GLIS1: variants seen among roughly 807,000 people sequenced by gnomAD.
GLIS1 encodes zinc finger protein GLIS1.
A neutral mutation model predicts 63.8 loss-of-function variants in GLIS1; 24 were observed. The ratio of observed to expected loss-of-function variants is 0.38; its 90% CI spans 0.27 to 0.53. The LOEUF is 0.53. GLIS1 is among the 20% of genes least tolerant of loss of function. GLIS1 has a pLI of 0.85. For synonymous variants in GLIS1, 450 were observed against 482.5 expected (o/e 0.93, Z 0.88); for missense variants, 1,036 against 1,074.1 (o/e 0.96, Z 0.50).
At chr1:53,710,348 C>T (rs1004311095) in intron 2 of GLIS1, among the ~76,000 whole-genome samples, 12 of 152,242 alleles carry the variant, frequency 7.9e-5, no homozygotes, top group African/African-American at 1.2e-4. Flanking sequence ...CTGTGCAATA[C>T]GGTGGCCCTG....
At chr1:53,710,755 C>T (rs776447093) in intron 2 of GLIS1, among the ~76,000 whole-genome samples, 2 of 152,214 alleles carry the variant, frequency 1.3e-5, no homozygotes, top group Non-Finnish European at 2.9e-5. Flanking sequence ...CTGTCACGCT[C>T]GTGCAAACGT....
At chr1:53,664,288 C>T (rs1014656585) in intron 2 of GLIS1, among the ~76,000 whole-genome samples, 1 of 152,128 alleles carries the variant, frequency 6.6e-6, no homozygotes, top group Non-Finnish European at 1.5e-5. Flanking sequence ...TCCCACACAC[C>T]CCCTCCAGGA....
At chr1:53,705,612 C>A (rs1646571083) in intron 2 of GLIS1, among the ~76,000 whole-genome samples, 1 of 152,092 alleles carries the variant, frequency 6.6e-6, no homozygotes, top group South Asian at 2.1e-4. Context: ...TCACCTGCCA[C>A]CAGGTGTGCA....
In GLIS1 at chr1:53,539,278, C is replaced by CCACACACACACA. The variant is rs35903306; in HGVS notation, c.1321-9327_1321-9326insTGTGTGTGTGTG. 3.5e-5 allele frequency among the ~76,000 whole-genome samples: 2 copies of CCACACACACACA among 56,460 alleles called. No homozygotes were observed. The highest frequency in any genetic ancestry group is 1.0e-4 in the African/African-American group (2 of 20,054). The allele number at this position is 56,460 out of a possible 152,430, so 37.0% of individuals were successfully genotyped here. ...CACACACACCAAGACCCAGAAACTCCCTCACACACACACACACACACTACA... is the reference window on the plus strand; with the variant it reads ...CACACACACCAAGACCCAGAAACTCCCACACACACACACTCACACACACACACACACACTACA... On this transcript the variant is annotated intron_variant, in intron 4 of 10. Coordinates refer to ENST00000628545, the MANE Select transcript of GLIS1 (RefSeq NM_001367484.1). This position sits in a 1 kb window ranked among gnomAD's most constrained non-coding sequence, Gnocchi z 5.0.
chr1:53,530,910 G>A (rs1644523146), intron 4 of GLIS1, among the ~76,000 whole-genome samples: 1 of 152,248 alleles, frequency 6.6e-6, no homozygotes, highest in Non-Finnish European at 1.5e-5. Flanking sequence ...TGCTTGCAAG[G>A]GTGGGAGGAG....
In GLIS1 at chr1:53,506,497, ATGGCCTGGCTGTTCCGGCTG is replaced by A. The variant is rs1453668750; in HGVS notation, c.*102_*121del. ...GTGGCAGCGCTGGCTCCCCTGGGTC[ATGGCCTGGCTGTTCCGGCTG>A]TGGCCTGGCACTCCTGCTAGGTGCA... On this transcript the variant is annotated 3_prime_UTR_variant, in exon 11 of 11. Transcript: ENST00000628545. 9.2e-7 allele frequency: 1 copy of A among 1,083,166 alleles called. No individual in the cohort carries two copies. The highest frequency in any genetic ancestry group is 1.6e-5 in the African/African-American group (1 of 63,890). 67.1% of individuals were successfully genotyped at this position (1,083,166 alleles called of 1,614,324 possible). A position where few individuals can be genotyped will look rare whatever the true frequency, so the allele number is the denominator to read the frequency against.
chr1:53,514,670 T>C lies in GLIS1; in HGVS notation c.1838A>G (p.His613Arg), dbSNP rs2100269577. The change falls in exon 8 of 11, where the codon CAC becomes CGC. Residue 613 changes from histidine to arginine, a missense_variant. Physicochemically the swap from His to Arg is conservative, Grantham distance 29. This residue lies in a region of GLIS1 where 400 missense variants were observed against 400.9 expected (regional missense o/e 1.00). Transcript: ENST00000628545. ...CATGGGCAGAGGGGACAGATGGTGG[T>C]GGGAACTGGTGGTGGCATCCAGCGG... The part of the protein sequence containing the change: ...HHPLDATTSS[H>R]HHLSPLPMAE... 6.2e-7 allele frequency: 1 copy of C among 1,612,826 alleles called. No homozygotes were observed. The highest frequency in any genetic ancestry group is 8.5e-7 in the Non-Finnish European group (1 of 1,179,846).
intron 4 of GLIS1, among the ~76,000 whole-genome samples, chr1:53,564,414 G>A (rs1427433144): frequency 6.6e-6 from 1 of 151,960 alleles, no homozygotes; most frequent in Non-Finnish European, 1.5e-5. Flanking sequence ...AAACATGGAA[G>A]CAAAAAAGGA....
chr1:53,618,185 C>T (rs951166605), intron 2 of GLIS1, among the ~76,000 whole-genome samples: 3 of 152,242 alleles, frequency 2.0e-5, no homozygotes, highest in Non-Finnish European at 4.4e-5. Flanking sequence ...TGAGACGGAG[C>T]TCACCTCCCC....
chr1:53,692,419 A>AG (rs1235882789), intron 2 of GLIS1, among the ~76,000 whole-genome samples: 1 of 152,246 alleles, frequency 6.6e-6, no homozygotes, highest in Admixed American at 6.5e-5. Flanking sequence ...AATAACCTGA[A>AG]GGACGTAACG....
intron 2 of GLIS1, among the ~76,000 whole-genome samples, chr1:53,673,825 G>T (rs999578173): frequency 6.6e-6 from 1 of 152,218 alleles, no homozygotes; most frequent in African/African-American, 2.4e-5. Flanking sequence ...CCGCATGAAG[G>T]CAAGAATGCA....
chr1:53,693,206 T>C (rs1048416295), intron 2 of GLIS1, among the ~76,000 whole-genome samples: 2 of 152,186 alleles, frequency 1.3e-5, no homozygotes, highest in Non-Finnish European at 2.9e-5. Context: ...GAGACTATTA[T>C]CCCACTTTAC....
chr1:53,514,954 C>G (rs1393771048), intron 7 of GLIS1, among the ~76,000 whole-genome samples, 173 bp from the exon 8 acceptor site: 2 of 152,160 alleles, frequency 1.3e-5, no homozygotes, highest in Non-Finnish European at 2.9e-5. Context: ...TGGCCCCACT[C>G]CACTCAGTTC....
chr1:53,675,903 C>G (rs907887794), intron 2 of GLIS1, among the ~76,000 whole-genome samples: 1 of 151,400 alleles, frequency 6.6e-6, no homozygotes, highest in African/African-American at 2.4e-5. Context: ...CATCCCACCT[C>G]CTCTCCCTAC....
chr1:53,577,846 C>T (rs1443131455), intron 4 of GLIS1, among the ~76,000 whole-genome samples: 1 of 152,084 alleles, frequency 6.6e-6, no homozygotes, highest in African/African-American at 2.4e-5. Flanking sequence ...ACTAAGGAAC[C>T]TGGCAGGTAG....
intron 2 of GLIS1, among the ~76,000 whole-genome samples, chr1:53,727,647 G>A (rs904638329): frequency 6.6e-6 from 1 of 152,208 alleles, no homozygotes; most frequent in Non-Finnish European, 1.5e-5. Context: ...TCCTCCACCT[G>A]GCCCCTGGCC....
intron 2 of GLIS1, among the ~76,000 whole-genome samples, chr1:53,657,854 G>A (rs993339861): frequency 6.6e-6 from 1 of 152,116 alleles, no homozygotes; most frequent in Non-Finnish European, 1.5e-5. Flanking sequence ...CTCAGTTTTG[G>A]GCTAGGCTGT....
Position 53,515,758 on chromosome 1 carries a change from C to T in GLIS1, c.1727-977G>A, listed in dbSNP as rs1404980450. Among the ~76,000 whole-genome samples, 3 of 142,986 alleles carry T rather than the reference C, an allele frequency of 2.1e-5. No homozygotes were observed. The East Asian group carries it at 6.1e-4, about 29-fold the overall frequency. 93.8% of individuals were successfully genotyped at this position (142,986 alleles called of 152,430 possible). A position where few individuals can be genotyped will look rare whatever the true frequency, so the allele number is the denominator to read the frequency against. ...TAGGAAATAAACTCCTACTCTGGGACTGGAGCCTAAGAAAGACATGGCAAG... is the reference window on the plus strand; with the variant it reads ...TAGGAAATAAACTCCTACTCTGGGATTGGAGCCTAAGAAAGACATGGCAAG... On this transcript the variant is annotated intron_variant, in intron 7 of 10. Coordinates refer to ENST00000628545, the MANE Select transcript of GLIS1 (RefSeq NM_001367484.1).
At chr1:53,601,388 A>G (rs1645316419) in intron 2 of GLIS1, among the ~76,000 whole-genome samples, 1 of 152,238 alleles carries the variant, frequency 6.6e-6, no homozygotes, top group Non-Finnish European at 1.5e-5. Flanking sequence ...TGCCTTGCAG[A>G]TACAATAAAA....
Sources: gnomAD v4.1 joint callset for allele counts (sites outside exome capture counted in the v4.1 genomes callset) on GRCh38, gnomAD v4.1.1 for gene constraint, gnomAD v4.1.1 regional missense constraint, Gnocchi (gnomAD v3.1) non-coding constraint, MANE v1.5 for transcripts, NCBI Gene and HGNC (gene_info 2026-07-23, HGNC 2026-07-21) for gene names.